Variants in NOS1 observed in about 807,000 individuals in gnomAD.
NOS1 encodes the protein nitric oxide synthase 1, also known as NOS type I.
A neutral mutation model predicts 164.5 loss-of-function variants in NOS1; 51 were observed. That is an observed-to-expected ratio of 0.31 (90% CI 0.25 to 0.39). The LOEUF is 0.39. Ranked by LOEUF, NOS1 falls within the 10% of genes least tolerant of loss-of-function variation. NOS1 has a pLI of 1.00. For synonymous variants in NOS1, 719 were observed against 745.8 expected (o/e 0.96, Z 0.59); for missense variants, 1,362 against 1,885.6 (o/e 0.72, Z 5.14).
At chr12:117,279,394 A>AC (rs1592981934) in intron 8 of NOS1, among the ~76,000 whole-genome samples, 4 of 151,956 alleles carry the variant, frequency 2.6e-5, no homozygotes, top group Admixed American at 1.3e-4. Context: ...ACCAAAAAAA[A>AC]CAAACCAAGA....
At chr12:117,336,079 G>A (rs1235328844) in intron 1 of NOS1, among the ~76,000 whole-genome samples, 1 of 152,172 alleles carries the variant, frequency 6.6e-6, no homozygotes, top group Non-Finnish European at 1.5e-5. Context: ...AAATCAAGGA[G>A]GTAGACCTGG....
At chr12:117,337,742 T>C (rs1435543239) in intron 1 of NOS1, among the ~76,000 whole-genome samples, 2 of 152,208 alleles carry the variant, frequency 1.3e-5, no homozygotes, top group East Asian at 3.9e-4. Flanking sequence ...AGAGAGGTCA[T>C]AGTAGAATGT....
intron 1 of NOS1, among the ~76,000 whole-genome samples, chr12:117,342,654 T>C (rs1034407821): frequency 6.6e-6 from 1 of 152,176 alleles, no homozygotes; most frequent in African/African-American, 2.4e-5. Context: ...TTTTGGACTT[T>C]ATTCTTAGAG....
chr12:117,317,328 T>C (rs1426219328), intron 2 of NOS1, among the ~76,000 whole-genome samples: 2 of 151,480 alleles, frequency 1.3e-5, no homozygotes, highest in Non-Finnish European at 2.9e-5. Flanking sequence ...TGGAATAATC[T>C]CAGTTTAGAT....
chr12:117,293,390 T>A (rs907783484), intron 3 of NOS1, among the ~76,000 whole-genome samples: 20 of 152,096 alleles, frequency 1.3e-4, no homozygotes, highest in Non-Finnish European at 8.8e-5. Context: ...CTTCTCTATC[T>A]CCCACACCCA....
At position 117,265,422 on chromosome 12, in the gene NOS1, C is replaced by T; in HGVS notation, c.2030G>A (p.Cys677Tyr). 1 of 1,593,782 alleles carries T rather than the reference C, an allele frequency of 6.3e-7. No homozygotes were observed. Among genetic ancestry groups the T allele is most frequent in the Non-Finnish European group, 8.5e-7 (1 of 1,170,590 alleles). Residue 677 changes from cysteine (C) to tyrosine (Y), a missense_variant, in exon 12 of 29, where the codon TGC becomes TAC. Around this residue, in one of 4 missense-constraint regions of NOS1, gnomAD observed 737 missense variants for 1,030.3 expected, o/e 0.72. Transcript: ENST00000317775. The stretch of plus-strand genomic sequence containing the variant: ...CACGATCCACACCCAGTCGGCAGGG[C>T]AGCCCCCCCGGCAGCGGTACTCATT... The part of the protein sequence containing the change: ...MENEYRCRGG[C>Y]PADWVWIVPP...
intron 25 of NOS1, among the ~76,000 whole-genome samples, chr12:117,224,292 TA>T (rs1483853600): frequency 6.6e-6 from 1 of 152,114 alleles, no homozygotes; most frequent in Non-Finnish European, 1.5e-5. Context: ...TTTTATATTT[TA>T]TTTTTTTTCT....
chr12:117,358,336 T>C (rs113901184), intron 1 of NOS1, among the ~76,000 whole-genome samples: 22,865 of 151,646 alleles, frequency 0.15, 2,152 homozygotes, highest in Admixed American at 0.22. Flanking sequence ...ACCCCCGCCC[T>C]CTCACTCTTC....
In NOS1 at chr12:117,213,218, A is replaced by C. The variant is rs2135911797; in HGVS notation, c.*2091T>G. ...GTCTTTAATGGGGATTGGACACAAC[A>C]GTTTCCTTCCCTGGGGAATTGGGGA... On this transcript the variant is annotated 3_prime_UTR_variant, in exon 29 of 29. Coordinates refer to ENST00000317775, the MANE Select transcript of NOS1 (RefSeq NM_000620.5). 1.0e-6 allele frequency: 1 copy of C among 985,492 alleles called. No individual in the cohort carries two copies. The highest frequency in any genetic ancestry group is 1.7e-5 in the African/African-American group (1 of 57,376). 61.0% of individuals were successfully genotyped at this position (985,492 alleles called of 1,614,324 possible). A position where few individuals can be genotyped will look rare whatever the true frequency, so the allele number is the denominator to read the frequency against.
intron 9 of NOS1, among the ~76,000 whole-genome samples, chr12:117,275,881 C>G (rs947756366): frequency 2.0e-5 from 3 of 151,990 alleles, no homozygotes; most frequent in African/African-American, 7.2e-5. Context: ...TGATTTTATT[C>G]ATTCCCAGGT....
chr12:117,310,427 T>A (rs1381869187), intron 3 of NOS1, among the ~76,000 whole-genome samples: 1 of 152,332 alleles, frequency 6.6e-6, no homozygotes, highest in African/African-American at 2.4e-5. Context: ...CTATAAGATA[T>A]GTTAATAAGT....
intron 20 of NOS1, among the ~76,000 whole-genome samples, chr12:117,240,407 G>T (rs1464245960): frequency 6.6e-6 from 1 of 152,192 alleles, no homozygotes; most frequent in Non-Finnish European, 1.5e-5. Flanking sequence ...GTGACATGAA[G>T]CAGGGATGGA....
intron 3 of NOS1, 61 bp downstream of exon 3, chr12:117,311,405 C>A: frequency 6.6e-7 from 1 of 1,515,714 alleles, no homozygotes. Flanking sequence ...CAGCTTCCCA[C>A]CTGGGAGGGG....
chr12:117,271,522 C>G (rs1270222331), intron 10 of NOS1, among the ~76,000 whole-genome samples: 1 of 152,174 alleles, frequency 6.6e-6, no homozygotes, highest in Non-Finnish European at 1.5e-5. Context: ...GATCAGCCTG[C>G]CTCGGCCTCC....
At position 117,234,627 on chromosome 12, in the gene NOS1, T is replaced by C. The variant is rs749454524; in HGVS notation, c.3173A>G (p.Asp1058Gly). 5 of 1,614,110 alleles carry C rather than the reference T, an allele frequency of 3.1e-6. No homozygotes were observed. Among genetic ancestry groups the C allele is most frequent in the Non-Finnish European group, 4.2e-6 (5 of 1,180,006 alleles). The change falls in exon 21 of 29, where the codon GAC (aspartate) becomes GGC (glycine). Residue 1058 changes from aspartate (D) to glycine (G), a missense_variant. Physicochemically the swap from Asp to Gly is moderately conservative, Grantham distance 94. Transcript: ENST00000317775. This position sits in a 1 kb window ranked among gnomAD's most constrained non-coding sequence, Gnocchi z 4.3. ...CACCATCTGGTTGACAGGCGGCGCGTCCTCCAGCCGCTCGATCAGGGCATT... is the reference window on the plus strand; with the variant it reads ...CACCATCTGGTTGACAGGCGGCGCGCCCTCCAGCCGCTCGATCAGGGCATT... Reference protein sequence around the residue: ...LVNALIERLEDAPPVNQMVKV... With the variant: ...LVNALIERLEGAPPVNQMVKV...
chr12:117,330,304 A>ACG lies in NOS1; in HGVS notation c.725+40_725+41insCG, dbSNP rs768589640. ...CACATGCACACACACAAGCATGCACACACACACACACACACACACACACAC... is the reference window on the plus strand; with the variant it reads ...CACATGCACACACACAAGCATGCACACGCACACACACACACACACACACACAC... On this transcript the variant is annotated intron_variant, in intron 2 of 28. Coordinates refer to ENST00000317775, the MANE Select transcript of NOS1 (RefSeq NM_000620.5). This position sits in a 1 kb window ranked among gnomAD's most constrained non-coding sequence, Gnocchi z 4.6. The ACG allele has an allele frequency of 7.3e-7, 1 of 1,372,964 alleles. No homozygotes were observed. The highest frequency in any genetic ancestry group is 1.0e-6 in the Non-Finnish European group (1 of 1,000,402). 85.0% of individuals were successfully genotyped at this position (1,372,964 alleles called of 1,614,324 possible). A position where few individuals can be genotyped will look rare whatever the true frequency, so the allele number is the denominator to read the frequency against.
At position 117,214,595 on chromosome 12, in the gene NOS1, C is replaced by G. The variant is rs1956574314; in HGVS notation, c.*714G>C. On this transcript the variant is annotated 3_prime_UTR_variant, in exon 29 of 29. Coordinates refer to ENST00000317775, the MANE Select transcript of NOS1 (RefSeq NM_000620.5). ...TGGGAATGCCTCTTTCATTGGGAGACAGCCCCTTTAATCAATTTCCCACTC... is the reference window on the plus strand; with the variant it reads ...TGGGAATGCCTCTTTCATTGGGAGAGAGCCCCTTTAATCAATTTCCCACTC... 1 of 985,288 alleles carries G rather than the reference C, an allele frequency of 1.0e-6. No individual in the cohort carries two copies. Among genetic ancestry groups the G allele is most frequent in the South Asian group, 4.7e-5 (1 of 21,290 alleles). 61.0% of individuals were successfully genotyped at this position (985,288 alleles called of 1,614,324 possible).
At chr12:117,282,519 C>A (rs895563607) in intron 7 of NOS1, among the ~76,000 whole-genome samples, 8 of 152,222 alleles carry the variant, frequency 5.3e-5, no homozygotes, top group African/African-American at 1.9e-4. Flanking sequence ...CATACAGCAA[C>A]CCCTGTCTCA....
chr12:117,267,916 C>T, intron 11 of NOS1, 127 bp downstream of exon 11: 1 of 651,962 alleles, frequency 1.5e-6, no homozygotes, highest in Admixed American at 2.7e-5. Flanking sequence ...CTAGACCATA[C>T]TCATGGACAC....
Sources: allele counts gnomAD v4.1 joint callset (sites outside exome capture counted in the v4.1 genomes callset), GRCh38; gene constraint gnomAD v4.1.1; regional missense constraint gnomAD v4.1.1; non-coding constraint Gnocchi (gnomAD v3.1); transcripts MANE v1.5; gene names NCBI Gene and HGNC (gene_info 2026-07-23, HGNC 2026-07-21).